Variants in ATP6V1C2 observed in about 807,000 individuals in gnomAD.
ATP6V1C2 encodes V-type proton ATPase subunit C 2.
ATP6V1C2 carries 45 observed loss-of-function variants against 56.8 expected under a neutral mutation model. The observed-to-expected ratio is 0.79, with a 90% CI of 0.62 to 1.02. ATP6V1C2 has a LOEUF of 1.02. Ranked by LOEUF, ATP6V1C2 falls within the 50% of genes least tolerant of loss-of-function variation. The pLI is 0.00. For missense variants in ATP6V1C2, 463 were observed against 519.7 expected, an observed-to-expected ratio of 0.89 and a Z score of 1.06; for synonymous variants, 220 against 201.3, an observed-to-expected ratio of 1.09 and a Z score of -0.79.
At chr2:10,753,254 C>G (rs1301215166) in intron 3 of ATP6V1C2, among the ~76,000 whole-genome samples, 2 of 152,130 alleles carry the variant, frequency 1.3e-5, no homozygotes, top group Non-Finnish European at 2.9e-5. Context: ...GAGTTTGTAT[C>G]TTGGTATTTT....
chr2:10,722,013 G>A (rs77424747), intron 1 of ATP6V1C2, among the ~76,000 whole-genome samples: 2 of 152,124 alleles, frequency 1.3e-5, no homozygotes, highest in Non-Finnish European at 2.9e-5. Flanking sequence ...CCGGGAGTCC[G>A]AAAGGAAGAG....
At chr2:10,776,290 C>T (rs989983917) in intron 10 of ATP6V1C2, among the ~76,000 whole-genome samples, 1 of 139,792 alleles carries the variant, frequency 7.2e-6, no homozygotes, top group African/African-American at 2.6e-5. Context: ...TGCGCGCGCA[C>T]GTGCATGTAT....
chr2:10,748,612 G>T (rs894217102), intron 3 of ATP6V1C2, among the ~76,000 whole-genome samples: 4 of 152,054 alleles, frequency 2.6e-5, no homozygotes, highest in Non-Finnish European at 5.9e-5. Context: ...TCTTTTATGG[G>T]TTAATATAAA....
At chr2:10,750,818 C>T (rs1056393160) in intron 3 of ATP6V1C2, among the ~76,000 whole-genome samples, 8 of 152,048 alleles carry the variant, frequency 5.3e-5, no homozygotes, top group Admixed American at 3.9e-4. Context: ...AAAGAGGAAC[C>T]GTTGGTAGCA....
chr2:10,756,649 CG>C (rs1440101987), intron 4 of ATP6V1C2, among the ~76,000 whole-genome samples: 1 of 151,830 alleles, frequency 6.6e-6, no homozygotes, highest in Non-Finnish European at 1.5e-5. Context: ...ACCTGGGAGG[CG>C]GAGGTTGCAG....
At chr2:10,754,236 A>G (rs1255151881) in intron 4 of ATP6V1C2, among the ~76,000 whole-genome samples, 170 bp downstream of exon 4, 1 of 151,306 alleles carries the variant, frequency 6.6e-6, no homozygotes, top group African/African-American at 2.4e-5. Context: ...TATTTATATT[A>G]TTATTATTTT....
chr2:10,783,048 A>AG lies in ATP6V1C2; in HGVS notation c.1195-122dup, dbSNP rs371871401. 782 of 654,876 alleles carry AG rather than the reference A, an allele frequency of 1.2e-3. 6 individuals carry two copies. In the African/African-American group the frequency reaches 0.013, roughly 11 times the overall value. The allele number at this position is 654,876 out of a possible 1,614,324, so 40.6% of individuals were successfully genotyped here. A position where few individuals can be genotyped will look rare whatever the true frequency, so the allele number is the denominator to read the frequency against. On this transcript the variant is annotated intron_variant, in intron 13 of 13. Transcript: ENST00000272238. The stretch of plus-strand genomic sequence containing the variant: ...TAAAGCACAGCAAGGAGAGGGTTGG[A>AG]GGGGTGGACCACAGCTACGCAGAGC...
chr2:10,755,839 A>G (rs924696933), intron 4 of ATP6V1C2, among the ~76,000 whole-genome samples: 2 of 152,226 alleles, frequency 1.3e-5, no homozygotes. Context: ...GGCTTCCTGC[A>G]GTGCAGTCAC....
At chr2:10,728,055 T>C (rs1661745870) in intron 3 of ATP6V1C2, among the ~76,000 whole-genome samples, 1 of 152,184 alleles carries the variant, frequency 6.6e-6, no homozygotes, top group African/African-American at 2.4e-5. Flanking sequence ...GTCTTAAAAT[T>C]AATATTATTC....
At chr2:10,764,519 C>G (rs548404761) in intron 5 of ATP6V1C2, 94 bp downstream of exon 5, 1 of 1,037,530 alleles carries the variant, frequency 9.6e-7, no homozygotes, top group Admixed American at 1.9e-5. Context: ...CTCAGCCTGT[C>G]CTGACTGGGC....
rs149426514 is a variant in ATP6V1C2 at position 10,745,318 on chromosome 2, A to T, written c.198-8663A>T. Among the ~76,000 whole-genome samples, 689 of 148,534 alleles carry T rather than the reference A, an allele frequency of 4.6e-3. 4 individuals are homozygous for T. Among genetic ancestry groups the T allele is most frequent in the African/African-American group, 0.016 (662 of 40,238 alleles). The stretch of plus-strand genomic sequence containing the variant: ...CTCCCAAAGTGCAGGGATTATAGGC[A>T]TGAGCCACTGTGCCCAGCCTATTTG... On this transcript the variant is annotated intron_variant, in intron 3 of 13. Coordinates refer to ENST00000272238, the MANE Select transcript of ATP6V1C2 (RefSeq NM_001039362.2).
intron 3 of ATP6V1C2, among the ~76,000 whole-genome samples, chr2:10,752,355 G>A (rs779009938): frequency 7.2e-5 from 11 of 152,140 alleles, no homozygotes; most frequent in Non-Finnish European, 7.4e-5. Flanking sequence ...TCTGGGCTCC[G>A]GTCTGAGTGG....
intron 4 of ATP6V1C2, among the ~76,000 whole-genome samples, chr2:10,758,621 AAC>A (rs979684796): frequency 3.9e-5 from 6 of 151,962 alleles, no homozygotes; most frequent in Non-Finnish European, 8.8e-5. Context: ...AACAAAACAA[AAC>A]ACAGCATGTG....
At chr2:10,777,433 T>C (rs1444740540) in intron 10 of ATP6V1C2, 152 bp from the exon 11 acceptor site, 5 of 941,836 alleles carry the variant, frequency 5.3e-6, no homozygotes, top group South Asian at 3.3e-5. Context: ...GGTGGGCACC[T>C]ACCACATCTC....
At chr2:10,777,260 G>A (rs1665054694) in intron 10 of ATP6V1C2, among the ~76,000 whole-genome samples, 1 of 152,222 alleles carries the variant, frequency 6.6e-6, no homozygotes, top group Non-Finnish European at 1.5e-5. Context: ...AACGCCTCCC[G>A]GTGCTGTCCT....
chr2:10,772,477 A>T (rs1052701020), intron 7 of ATP6V1C2, 65 bp from the exon 8 acceptor site: 14 of 1,360,306 alleles, frequency 1.0e-5, no homozygotes, highest in Non-Finnish European at 1.5e-5. Context: ...GCAGCTTCCT[A>T]GGCACTCAGG....
chr2:10,725,156 G>A (rs953565848), intron 2 of ATP6V1C2, among the ~76,000 whole-genome samples: 14 of 151,886 alleles, frequency 9.2e-5, no homozygotes, highest in Admixed American at 2.0e-4. Flanking sequence ...GCTCACTCCC[G>A]TAATCCCAGC....
chr2:10,721,591 A>C (rs1429587659), upstream of ATP6V1C2: 5 of 151,754 alleles, frequency 3.3e-5, no homozygotes, highest in Non-Finnish European at 7.4e-5. Context: ...GGCCGCCTCC[A>C]GAGCCCGGGA....
chr2:10,728,775 A>C (rs373768482), intron 3 of ATP6V1C2, among the ~76,000 whole-genome samples: 7 of 85,206 alleles, frequency 8.2e-5, no homozygotes, highest in African/African-American at 2.6e-4. Flanking sequence ...ACCCTGTCTC[A>C]AAAAAAAAAA....
Sources: allele counts gnomAD v4.1 joint callset (sites outside exome capture counted in the v4.1 genomes callset), GRCh38; gene constraint gnomAD v4.1.1; transcripts MANE v1.5; gene names NCBI Gene and HGNC (gene_info 2026-07-23, HGNC 2026-07-21).